The following RFX7 variants were observed in gnomAD, a reference collection of about 807,000 sequenced individuals.
RFX7 encodes regulatory factor X7, also known as DNA-binding protein RFX7.
A neutral mutation model predicts 111.8 loss-of-function variants in RFX7; 26 were observed. The observed-to-expected ratio is 0.23, with a 90% CI of 0.17 to 0.32. The LOEUF (loss-of-function observed/expected upper bound fraction) is 0.32. RFX7 is among the 10% of genes least tolerant of loss of function. RFX7 has a pLI of 1.00. For synonymous variants in RFX7, 624 were observed against 624.4 expected (o/e 1.00, Z 0.01); for missense variants, 1,573 against 1,772.9 (o/e 0.89, Z 2.02).
At chr15:56,217,322 C>A (rs551759750) in intron 2 of RFX7, among the ~76,000 whole-genome samples, 1 of 152,096 alleles carries the variant, frequency 6.6e-6, no homozygotes, top group Non-Finnish European at 1.5e-5. Context: ...AGTCCACTTT[C>A]GCATTTTCCC....
chr15:56,093,200 T>C lies in RFX7; in HGVS notation c.*145A>G, dbSNP rs1006709719. 46 of 693,144 alleles carry C rather than the reference T, an allele frequency of 6.6e-5. No homozygotes were observed. In the East Asian group the frequency reaches 1.3e-3, roughly 19 times the overall value. The allele number at this position is 693,144 out of a possible 1,614,324, so 42.9% of individuals were successfully genotyped here. Reference sequence around the variant, plus strand: ...TTAAGAACTGAGGCAAGTCTAACCATTTCCTACTGAAGAAACCACTTCTGC... The same window carrying C: ...TTAAGAACTGAGGCAAGTCTAACCACTTCCTACTGAAGAAACCACTTCTGC... On this transcript the variant is annotated 3_prime_UTR_variant, in exon 10 of 10. Coordinates refer to ENST00000559447, the MANE Select transcript of RFX7 (RefSeq NM_022841.7).
intron 5 of RFX7, among the ~76,000 whole-genome samples, chr15:56,112,241 G>A (rs913321530): frequency 1.3e-5 from 2 of 151,844 alleles, no homozygotes; most frequent in East Asian, 1.9e-4. Context: ...ACAGGTAACT[G>A]TAACATAGAC....
chr15:56,241,758 A>T (rs2043692225), intron 2 of RFX7, among the ~76,000 whole-genome samples: 1 of 152,106 alleles, frequency 6.6e-6, no homozygotes, highest in Non-Finnish European at 1.5e-5. Flanking sequence ...TATCTATCAG[A>T]CCTATTCAAG....
At chr15:56,124,626 T>C (rs1306149172) in intron 5 of RFX7, among the ~76,000 whole-genome samples, 1 of 152,224 alleles carries the variant, frequency 6.6e-6, no homozygotes, top group Non-Finnish European at 1.5e-5. Flanking sequence ...TGAGCATTTT[T>C]CCACGTACCT....
intron 2 of RFX7, among the ~76,000 whole-genome samples, chr15:56,227,605 C>T (rs1274413419): frequency 6.6e-6 from 1 of 152,116 alleles, no homozygotes; most frequent in African/African-American, 2.4e-5. Context: ...TAACACTATA[C>T]TGCTTCACGA....
At position 56,094,930 on chromosome 15, in the gene RFX7, T is replaced by C; in HGVS notation, c.2798A>G (p.His933Arg). The stretch of plus-strand genomic sequence containing the variant: ...ATTGCTGTGGATTGGATGATAGAAG[T>C]GGGTGCTGGAAGTGTGAGATGACAT... ...APMSSHTSST[H>R]FYHPIHSNGT... The change falls in exon 10 of 10, where the codon CAC becomes CGC. Residue 933 changes from histidine (H) to arginine (R), a missense_variant. His to Arg is a conservative substitution (Grantham distance 29). Transcript: ENST00000559447. The C allele has an allele frequency of 6.3e-7, 1 of 1,591,194 alleles. No homozygotes were observed. The highest frequency in any genetic ancestry group is 8.6e-7 in the Non-Finnish European group (1 of 1,168,620).
intron 5 of RFX7, among the ~76,000 whole-genome samples, chr15:56,107,839 AATG>A (rs1214024319): frequency 4.7e-4 from 72 of 152,332 alleles, no homozygotes; most frequent in African/African-American, 6.5e-4. Context: ...AACAATAAAA[AATG>A]ATAATAAACC....
intron 2 of RFX7, among the ~76,000 whole-genome samples, chr15:56,181,785 A>T (rs1431878227): frequency 6.6e-6 from 1 of 150,806 alleles, no homozygotes; most frequent in East Asian, 2.0e-4. Flanking sequence ...CAACTTGGTA[A>T]ACCTCTAAAA....
chr15:56,151,705 A>T (rs1373506450), intron 3 of RFX7, among the ~76,000 whole-genome samples: 1 of 152,222 alleles, frequency 6.6e-6, no homozygotes. Flanking sequence ...ATTCACACAT[A>T]ACAATATTAA....
At chr15:56,179,121 T>C in intron 3 of RFX7, 149 bp downstream of exon 3, 1 of 313,858 alleles carries the variant, frequency 3.2e-6, no homozygotes, top group South Asian at 3.1e-5. Context: ...TATAAACAAT[T>C]CACCCGAGGG....
intron 2 of RFX7, among the ~76,000 whole-genome samples, chr15:56,209,281 T>C (rs1299461930): frequency 2.0e-5 from 3 of 148,794 alleles, no homozygotes; most frequent in African/African-American, 7.4e-5. Flanking sequence ...CACTCGAGAG[T>C]GTCAAGAGAA....
At chr15:56,164,236 C>T (rs573449497) in intron 3 of RFX7, among the ~76,000 whole-genome samples, 1 of 152,272 alleles carries the variant, frequency 6.6e-6, no homozygotes, top group African/African-American at 2.4e-5. Flanking sequence ...GTGGGCCAAA[C>T]AAAACAATTT....
intron 3 of RFX7, among the ~76,000 whole-genome samples, chr15:56,166,023 C>G (rs138625206): frequency 3.2e-4 from 48 of 152,200 alleles, no homozygotes; most frequent in African/African-American, 1.1e-3. Flanking sequence ...CCACCTCAGC[C>G]TCCCAAGCAG....
At position 56,101,441 on chromosome 15, in the gene RFX7, T is replaced by G; in HGVS notation, c.729A>C (p.Glu243Asp). The G allele has an allele frequency of 6.2e-7, 1 of 1,613,570 alleles. No individual in the cohort carries two copies. Among genetic ancestry groups the G allele is most frequent in the Non-Finnish European group, 8.5e-7 (1 of 1,179,752 alleles). ...GACTTTTTACAAGGAAGCGGGCTAA[T>G]TCCAAGACGGTGTCAAATGGTTGGC... ...VLSQPFDTVL[E>D]LARFLVKSHY... Residue 243 changes from glutamate to aspartate, a missense_variant, in exon 8 of 10, where the codon GAA becomes GAC. Physicochemically the swap from Glu to Asp is conservative, Grantham distance 45. This residue lies in a region of RFX7 where 288 missense variants were observed against 337.9 expected (regional missense o/e 0.85). Transcript: ENST00000559447.
At chr15:56,165,916 T>A in intron 3 of RFX7, among the ~76,000 whole-genome samples, 1 of 152,128 alleles carries the variant, frequency 6.6e-6, no homozygotes, top group Non-Finnish European at 1.5e-5. Flanking sequence ...TGCAGCCAGG[T>A]GATAGGACAG....
intron 2 of RFX7, among the ~76,000 whole-genome samples, chr15:56,227,357 A>C (rs553534092): frequency 6.6e-6 from 1 of 152,338 alleles, no homozygotes; most frequent in Admixed American, 6.5e-5. Flanking sequence ...TCCACACTTG[A>C]AATGATTACT....
chr15:56,195,545 T>G (rs746227600), intron 2 of RFX7, among the ~76,000 whole-genome samples: 4 of 152,204 alleles, frequency 2.6e-5, no homozygotes, highest in Non-Finnish European at 5.9e-5. Context: ...GTCATTGTTC[T>G]TAGTACTTGC....
chr15:56,168,922 A>G (rs2042812582), intron 3 of RFX7, among the ~76,000 whole-genome samples: 1 of 152,212 alleles, frequency 6.6e-6, no homozygotes, highest in Non-Finnish European at 1.5e-5. Context: ...GTGGCATTGC[A>G]GTTATTGCAA....
intron 3 of RFX7, among the ~76,000 whole-genome samples, chr15:56,153,423 C>A (rs1241653194): frequency 1.3e-5 from 2 of 151,352 alleles, no homozygotes; most frequent in Non-Finnish European, 1.5e-5. Context: ...AATCAATATA[C>A]ATAATCCATT....
Sources: gnomAD v4.1 joint callset for allele counts (sites outside exome capture counted in the v4.1 genomes callset) on GRCh38, gnomAD v4.1.1 for gene constraint, gnomAD v4.1.1 regional missense constraint, MANE v1.5 for transcripts, NCBI Gene and HGNC (gene_info 2026-07-23, HGNC 2026-07-21) for gene names.